Variants in RET observed in about 807,000 individuals in gnomAD.
RET encodes the protein ret proto-oncogene, also known as proto-oncogene tyrosine-protein kinase receptor Ret.
A neutral mutation model predicts 118.3 loss-of-function variants in RET; 19 were observed. The observed-to-expected ratio is 0.16, with a 90% CI of 0.11 to 0.24. RET has a LOEUF of 0.24. Ranked by LOEUF, RET falls within the 10% of genes least tolerant of loss-of-function variation. The pLI, the probability that RET is intolerant of heterozygous loss-of-function variation, is 1.00. For synonymous variants in RET, 597 were observed against 644.1 expected (o/e 0.93, Z 1.11); for missense variants, 1,219 against 1,502.1 (o/e 0.81, Z 3.12).
chr10:43,091,385 T>G (rs1479101514), intron 1 of RET, among the ~76,000 whole-genome samples: 2 of 151,740 alleles, frequency 1.3e-5, no homozygotes, highest in Non-Finnish European at 1.5e-5. Flanking sequence ...TCCTAGCACT[T>G]GGGGAGGCTC....
chr10:43,118,517 C>A (rs1469137431), intron 13 of RET, 37 bp downstream of exon 13: 1 of 1,503,816 alleles, frequency 6.6e-7, no homozygotes, highest in African/African-American at 1.4e-5. Context: ...GCAGCCACTG[C>A]ACCCAGGCTG....
intron 1 of RET, among the ~76,000 whole-genome samples, chr10:43,100,182 A>T (rs1837605947): frequency 6.6e-6 from 1 of 152,188 alleles, no homozygotes; most frequent in East Asian, 1.9e-4. Context: ...CCTGTTGAGA[A>T]GTCTGTATGG....
rs1588864215 is a variant in RET at position 43,102,626 on chromosome 10, G to C, written c.622G>C (p.Glu208Gln). 1 of 1,614,076 alleles carries C rather than the reference G, an allele frequency of 6.2e-7. No homozygotes were observed. Among genetic ancestry groups the C allele is most frequent in the Non-Finnish European group, 8.5e-7 (1 of 1,180,052 alleles). Residue 208 changes from glutamate to glutamine, a missense_variant, in exon 3 of 20, where the codon GAG (glutamate) becomes CAG (glutamine). Physicochemically the swap from Glu to Gln is conservative, Grantham distance 29. Around this residue, in one of 5 missense-constraint regions of RET, gnomAD observed 850 missense variants for 969.6 expected, o/e 0.88. Transcript: ENST00000355710. ...CATCAGCGTGGCCTACAGGCTCCTG[G>C]AGGGTGAGTGCCGACCTTGTGGGGC... is the stretch of plus-strand genomic sequence containing the variant. ...PNISVAYRLL[E>Q]GEGLPFRCAP... is the part of the protein sequence containing the mutation.
Position 43,126,629 on chromosome 10 carries a change from G to A in RET, c.3094G>A (p.Gly1032Ser), listed in dbSNP as rs757373375. 1.1e-5 allele frequency: 18 copies of A among 1,613,936 alleles called. No individual in the cohort carries two copies. The highest frequency in any genetic ancestry group is 1.6e-4 in the Middle Eastern group (1 of 6,084). ...TPSDSLIYDD[G>S]LSEEETPLVD... ...ATCTGACTCCCTGATTTATGACGAC[G>A]GCCTCTCAGAGGAGGAGACACCGCT... The change falls in exon 19 of 20, where the codon GGC becomes AGC. Residue 1032 changes from glycine (G) to serine (S), a missense_variant. This residue lies in a region of RET where 174 missense variants were observed against 179.3 expected (regional missense o/e 0.97). Transcript: ENST00000355710.
At position 43,100,681 on chromosome 10, in the gene RET, G is replaced by A. The variant is rs749500174; in HGVS notation, c.296G>A (p.Arg99Gln). 2.6e-5 allele frequency: 42 copies of A among 1,609,350 alleles called. No individual in the cohort carries two copies. The highest frequency in any genetic ancestry group is 4.0e-5 in the African/African-American group (3 of 74,848). Residue 99 changes from arginine to glutamine, a missense_variant, in exon 2 of 20, where the codon CGG becomes CAG. Physicochemically the swap from Arg to Gln is conservative, Grantham distance 43. Around this residue, in one of 5 missense-constraint regions of RET, gnomAD observed 84 missense variants for 163.6 expected, o/e 0.51. Coordinates refer to ENST00000355710, the MANE Select transcript of RET (RefSeq NM_020975.6). Reference protein sequence around the residue: ...QEDTGLLYLNRSLDHSSWEKL... With the variant: ...QEDTGLLYLNQSLDHSSWEKL... ...GACACCGGCCTCCTCTACCTTAACC[G>A]GAGCCTGGACCATAGCTCCTGGGAG...
chr10:43,117,699 G>A (rs920855212), intron 12 of RET, among the ~76,000 whole-genome samples: 4 of 152,222 alleles, frequency 2.6e-5, no homozygotes, highest in African/African-American at 9.7e-5. Context: ...GTGGTGCCTC[G>A]TCCTGTTTCC....
At chr10:43,118,051 G>A (rs77470751) in intron 12 of RET, among the ~76,000 whole-genome samples, 4 of 152,324 alleles carry the variant, frequency 2.6e-5, no homozygotes, top group Non-Finnish European at 4.4e-5. Context: ...ATTAATGCGG[G>A]GAATTTCTGT....
At chr10:43,096,903 A>T (rs1482414500) in intron 1 of RET, among the ~76,000 whole-genome samples, 1 of 152,150 alleles carries the variant, frequency 6.6e-6, no homozygotes, top group African/African-American at 2.4e-5. Context: ...ACCTTGGACC[A>T]TGTGTTTTTC....
intron 16 of RET, 26 bp downstream of exon 16, chr10:43,122,042 G>C: frequency 6.3e-7 from 1 of 1,593,202 alleles, no homozygotes; most frequent in Non-Finnish European, 8.6e-7. Flanking sequence ...GCTCTCTTGG[G>C]GTGGAGGTTA....
At chr10:43,091,944 G>A (rs1269009199) in intron 1 of RET, among the ~76,000 whole-genome samples, 2 of 152,082 alleles carry the variant, frequency 1.3e-5, no homozygotes, top group Non-Finnish European at 2.9e-5. Context: ...GCTCCTCAAA[G>A]GTTAAACCTA....
Position 43,105,101 on chromosome 10 carries a change from C to T in RET, c.775C>T (p.Pro259Ser), listed in dbSNP as rs1216449106. ...AREEVVMVPF[P>S]VTVYDEDDSA... ...CGAGGAGGTGGTGATGGTGCCCTTC[C>T]CGGTGACCGTGTACGACGAGGACGA... The change falls in exon 4 of 20, where the codon CCG (proline) becomes TCG (serine). Residue 259 changes from proline (P) to serine (S), a missense_variant. Physicochemically the swap from Pro to Ser is moderately conservative, Grantham distance 74 (BLOSUM62 -1). Transcript: ENST00000355710. 1.2e-6 allele frequency: 2 copies of T among 1,612,158 alleles called. No homozygotes were observed.
chr10:43,084,082 C>T (rs1897001), intron 1 of RET, among the ~76,000 whole-genome samples: 52,549 of 151,872 alleles, frequency 0.35, 9,496 homozygotes, highest in South Asian at 0.42. Context: ...ACATCAGCCC[C>T]TTCCTGTGAG....
At chr10:43,128,081 T>C (rs563935244) in intron 19 of RET, 31 bp from the exon 20 acceptor site, 1 of 1,613,694 alleles carries the variant, frequency 6.2e-7, no homozygotes, top group Non-Finnish European at 8.5e-7. Context: ...GGTTCTTCAG[T>C]GCAGAACAAA....
chr10:43,100,694 T>C lies in RET; in HGVS notation c.309T>C (p.His103=), dbSNP rs1837621923. 6.2e-7 allele frequency: 1 copy of C among 1,606,804 alleles called. No individual in the cohort carries two copies. Among genetic ancestry groups the C allele is most frequent in the Non-Finnish European group, 8.5e-7 (1 of 1,176,890 alleles). Residue 103 remains histidine, a synonymous_variant, in exon 2 of 20, where the codon CAT becomes CAC. Coordinates refer to ENST00000355710, the MANE Select transcript of RET (RefSeq NM_020975.6). ...GLLYLNRSLD[H]SSWEKLSVRN... The stretch of plus-strand genomic sequence containing the variant: ...TCTACCTTAACCGGAGCCTGGACCA[T>C]AGCTCCTGGGAGAAGCTCAGTGTCC...
At chr10:43,121,835 A>G in intron 15 of RET, 111 bp from the exon 16 acceptor site, 1 of 809,832 alleles carries the variant, frequency 1.2e-6, no homozygotes, top group East Asian at 2.5e-5. Context: ...GAGTGTCTAC[A>G]GCACTCCTCT....
chr10:43,093,023 C>T (rs557834961), intron 1 of RET, among the ~76,000 whole-genome samples: 1 of 152,262 alleles, frequency 6.6e-6, no homozygotes, highest in Admixed American at 6.5e-5. Context: ...TGTACTGGCT[C>T]GTTGATTCAT....
intron 1 of RET, among the ~76,000 whole-genome samples, chr10:43,089,669 C>T (rs1000067283): frequency 3.3e-5 from 5 of 152,214 alleles, no homozygotes; most frequent in Admixed American, 2.6e-4. Context: ...GGAGCCCGCC[C>T]CCACATGCAA....
intron 1 of RET, among the ~76,000 whole-genome samples, chr10:43,088,260 C>A (rs113146990): frequency 0.029 from 3,962 of 136,604 alleles, 99 homozygotes; most frequent in East Asian, 0.097. Flanking sequence ...TGGTGGAGGC[C>A]ATGGTATTAG....
chr10:43,101,390 G>C (rs1837639815), intron 2 of RET, among the ~76,000 whole-genome samples: 1 of 152,260 alleles, frequency 6.6e-6, no homozygotes, highest in Admixed American at 6.5e-5. Flanking sequence ...GCAAGCCTCA[G>C]GCTATGAATG....
Sources: gnomAD v4.1 joint callset for allele counts (sites outside exome capture counted in the v4.1 genomes callset) on GRCh38, gnomAD v4.1.1 for gene constraint, gnomAD v4.1.1 regional missense constraint, MANE v1.5 for transcripts, NCBI Gene and HGNC (gene_info 2026-07-23, HGNC 2026-07-21) for gene names.